The following DNAH6 variants were observed in gnomAD, a reference collection of about 807,000 sequenced individuals.
DNAH6 encodes axonemal beta dynein heavy chain 6.
DNAH6 carries 340 observed loss-of-function variants against 491.4 expected under a neutral mutation model. That is an observed-to-expected ratio of 0.69 (90% CI 0.63 to 0.76). The LOEUF (loss-of-function observed/expected upper bound fraction) is 0.76, where lower values mean the gene tolerates loss of function less well. Ranked by LOEUF, DNAH6 falls within the 30% of genes least tolerant of loss-of-function variation. The probability of loss-of-function intolerance (pLI) is 0.00; values close to 1 mark genes in which losing one functional copy is unlikely to be tolerated. For missense variants in DNAH6, 4,443 were observed against 4,972.2 expected (o/e 0.89, Z 3.20); for synonymous variants, 1,603 against 1,686.1 (o/e 0.95, Z 1.21).
chr2:84,696,332 T>C (rs1695383295), intron 46 of DNAH6, among the ~76,000 whole-genome samples: 2 of 151,956 alleles, frequency 1.3e-5, no homozygotes, highest in Admixed American at 1.3e-4. Flanking sequence ...GAGAAATTAA[T>C]GATGTGTCTT....
the DNAH6 span, among the ~76,000 whole-genome samples, chr2:84,507,586 A>G: frequency 1.3e-5 from 2 of 152,262 alleles, no homozygotes; most frequent in Admixed American, 1.3e-4. Context: ...TGCCCTGGCC[A>G]GAACTTCCAA....
chr2:84,707,466 A>G, intron 53 of DNAH6, 54 bp from the exon 54 acceptor site: 1 of 1,439,722 alleles, frequency 6.9e-7, no homozygotes, highest in South Asian at 1.4e-5. Context: ...TAAGCTTTTA[A>G]TACTTTATGA....
chr2:84,555,640 C>T lies in DNAH6; in HGVS notation c.1603-2095C>T, dbSNP rs569783787. Among the ~76,000 whole-genome samples the T allele has an allele frequency of 4.6e-5, 7 of 152,174 alleles. No homozygotes were observed. The East Asian group carries it at 1.4e-3, about 29-fold the overall frequency. Reference sequence around the variant, plus strand: ...AGATCCAATACTTTTCTTTTAAGCCCCACTCATGGTCATCTGGAAATCTTC... The same window carrying T: ...AGATCCAATACTTTTCTTTTAAGCCTCACTCATGGTCATCTGGAAATCTTC... On this transcript the variant is annotated intron_variant, in intron 10 of 76. Transcript: ENST00000389394.
At chr2:84,476,582 C>A in the DNAH6 span, among the ~76,000 whole-genome samples, 1 of 152,204 alleles carries the variant, frequency 6.6e-6, no homozygotes, top group East Asian at 1.9e-4. Context: ...TCCTCCTCTT[C>A]TTCATCTGAA....
At chr2:84,787,111 C>G (rs1677277519) in intron 67 of DNAH6, 53 bp from the exon 68 acceptor site, 3 of 1,371,630 alleles carry the variant, frequency 2.2e-6, no homozygotes, top group African/African-American at 3.0e-5. Flanking sequence ...GTATTTTACA[C>G]AAAATTAATT....
upstream of DNAH6, among the ~76,000 whole-genome samples, chr2:84,516,186 C>T (rs1288345125): frequency 6.6e-6 from 1 of 152,124 alleles, no homozygotes; most frequent in Non-Finnish European, 1.5e-5. Flanking sequence ...AAAGAAATTC[C>T]TGTAAGAGGT....
At chr2:84,797,415 C>A (rs1041994000) in intron 69 of DNAH6, 122 bp from the exon 70 acceptor site, 55 of 871,802 alleles carry the variant, frequency 6.3e-5, no homozygotes, top group African/African-American at 8.5e-5. Context: ...AAAAACAATC[C>A]CCCTTTCTAC....
At chr2:84,620,127 C>T (rs573112370) in intron 24 of DNAH6, among the ~76,000 whole-genome samples, 9 of 152,126 alleles carry the variant, frequency 5.9e-5, no homozygotes, top group Admixed American at 2.0e-4. Flanking sequence ...GTTCTGTTGC[C>T]GGAAATAGAG....
chr2:84,560,071 A>T (rs562252826), intron 11 of DNAH6, among the ~76,000 whole-genome samples: 4 of 152,198 alleles, frequency 2.6e-5, no homozygotes, highest in Non-Finnish European at 5.9e-5. Flanking sequence ...TAACATACAT[A>T]TAATTGGTGT....
chr2:84,653,559 A>C lies in DNAH6; in HGVS notation c.5319A>C (p.Leu1773Phe). ...YRILAETLGN[L>F]QKLGIENSFY... is the part of the protein sequence containing the mutation. ...TACTAGCAGAAACTTTAGGGAATTT[A>C]CAAAAACTTGGGATAGAAAATTCCT... Residue 1773 changes from leucine to phenylalanine, a missense_variant, in exon 34 of 77, where the codon TTA (leucine) becomes TTC (phenylalanine). Around this residue, in one of 3 missense-constraint regions of DNAH6, gnomAD observed 2,977 missense variants for 3,296.6 expected, o/e 0.90. Transcript: ENST00000389394. 6.4e-7 allele frequency: 1 copy of C among 1,551,382 alleles called. No individual in the cohort carries two copies. The highest frequency in any genetic ancestry group is 8.7e-7 in the Non-Finnish European group (1 of 1,146,742).
the DNAH6 span, among the ~76,000 whole-genome samples, chr2:84,498,559 GT>G: frequency 1.3e-5 from 2 of 152,070 alleles, no homozygotes; most frequent in African/African-American, 4.8e-5. Flanking sequence ...ATTTAGTGAG[GT>G]TGTGGAAAAC....
In DNAH6 at chr2:84,620,750, A is replaced by G. The variant is rs73943317; in HGVS notation, c.3793-441A>G. On this transcript the variant is annotated intron_variant, in intron 24 of 76. Coordinates refer to ENST00000389394, the MANE Select transcript of DNAH6 (RefSeq NM_001370.2). ...AATCTTGGGAAAACATGAAATTTAAAGAGAAGTTAGAAGAAGAGCAGATGA... is the reference window on the plus strand; with the variant it reads ...AATCTTGGGAAAACATGAAATTTAAGGAGAAGTTAGAAGAAGAGCAGATGA... Among the ~76,000 whole-genome samples, 1,088 of 152,330 alleles carry G rather than the reference A, an allele frequency of 7.1e-3. 15 individuals are homozygous for G. The highest frequency in any genetic ancestry group is 0.025 in the African/African-American group (1,059 of 41,574).
At chr2:84,548,465 C>T in intron 8 of DNAH6, 48 bp downstream of exon 8, 1 of 1,607,006 alleles carries the variant, frequency 6.2e-7, no homozygotes, top group Non-Finnish European at 8.5e-7. Context: ...CCATCTTAAG[C>T]TGCATTAAAA....
chr2:84,552,376 G>A (rs1283577841), intron 9 of DNAH6, among the ~76,000 whole-genome samples: 1 of 152,166 alleles, frequency 6.6e-6, no homozygotes, highest in African/African-American at 2.4e-5. Context: ...CAAATACCCA[G>A]CACTATGCCT....
At chr2:84,491,540 G>A in the DNAH6 span, among the ~76,000 whole-genome samples, 2 of 152,156 alleles carry the variant, frequency 1.3e-5, no homozygotes, top group East Asian at 3.8e-4. Flanking sequence ...AAACATAGGG[G>A]CTTCTGGGAG....
chr2:84,679,921 T>C (rs1693619849), intron 41 of DNAH6, among the ~76,000 whole-genome samples: 1 of 152,232 alleles, frequency 6.6e-6, no homozygotes, highest in South Asian at 2.1e-4. Context: ...ATTTGTGTCA[T>C]GGAGAACAGA....
At chr2:84,626,696 G>A (rs528649335) in intron 29 of DNAH6, among the ~76,000 whole-genome samples, 7 of 152,170 alleles carry the variant, frequency 4.6e-5, no homozygotes, top group East Asian at 3.9e-4. Flanking sequence ...TCTGCCTCCC[G>A]GGTTCAAGCA....
At chr2:84,570,866 G>T (rs1681757260) in intron 11 of DNAH6, among the ~76,000 whole-genome samples, 1 of 152,172 alleles carries the variant, frequency 6.6e-6, no homozygotes, top group Non-Finnish European at 1.5e-5. Context: ...CTACCTTTAA[G>T]AGCTGTAACA....
chr2:84,518,093 G>A, intron 2 of DNAH6, 42 bp downstream of exon 2: 2 of 1,450,378 alleles, frequency 1.4e-6, no homozygotes, highest in Non-Finnish European at 1.8e-6. Flanking sequence ...TAGCCACAGA[G>A]GAAGTTGTAA....
Sources: allele counts gnomAD v4.1 joint callset (sites outside exome capture counted in the v4.1 genomes callset), GRCh38; gene constraint gnomAD v4.1.1; regional missense constraint gnomAD v4.1.1; transcripts MANE v1.5; gene names NCBI Gene and HGNC (gene_info 2026-07-23, HGNC 2026-07-21).